The following SIMC1 variants were observed in gnomAD, a reference collection of about 807,000 sequenced individuals.
SIMC1 encodes SUMO-interacting motif-containing protein 1.
SIMC1 carries 55 observed loss-of-function variants against 82.3 expected under a neutral mutation model. The observed-to-expected ratio is 0.67, with a 90% CI of 0.54 to 0.84. SIMC1 has a LOEUF of 0.84. Ranked by LOEUF, SIMC1 falls within the 40% of genes least tolerant of loss-of-function variation. The probability of loss-of-function intolerance (pLI) is 0.00; values close to 1 mark genes in which losing one functional copy is unlikely to be tolerated. For synonymous variants in SIMC1, 353 were observed against 426.3 expected (o/e 0.83, Z 2.12); for missense variants, 915 against 1,107.2 (o/e 0.83, Z 2.46).
chr5:176,243,576 CA>C (rs1761339102), intron 1 of SIMC1, among the ~76,000 whole-genome samples: 2 of 151,528 alleles, frequency 1.3e-5, no homozygotes, highest in Admixed American at 6.6e-5. Context: ...GGCTGTAGTG[CA>C]GTGGTGCGAT....
At chr5:176,318,551 G>T (rs1009859322) in intron 5 of SIMC1, among the ~76,000 whole-genome samples, 1 of 152,160 alleles carries the variant, frequency 6.6e-6, no homozygotes, top group Non-Finnish European at 1.5e-5. Flanking sequence ...TGCTTTTCAA[G>T]ACTGGATGAC....
chr5:176,333,427 T>A (rs1765753733), intron 7 of SIMC1, among the ~76,000 whole-genome samples: 1 of 151,754 alleles, frequency 6.6e-6, no homozygotes, highest in Admixed American at 6.6e-5. Context: ...GTTTTTTTGG[T>A]GTTTTGTTGT....
At chr5:176,259,934 A>G (rs1158393069) in intron 1 of SIMC1, among the ~76,000 whole-genome samples, 2 of 151,312 alleles carry the variant, frequency 1.3e-5, no homozygotes, top group South Asian at 2.1e-4. Context: ...TTCTTTCCCA[A>G]TGGGATCATG....
chr5:176,249,134 A>T (rs1163637628), intron 1 of SIMC1, among the ~76,000 whole-genome samples: 1 of 152,006 alleles, frequency 6.6e-6, no homozygotes, highest in Non-Finnish European at 1.5e-5. Flanking sequence ...GTTAGGGAGG[A>T]GTCCCTCATT....
intron 1 of SIMC1, among the ~76,000 whole-genome samples, chr5:176,286,646 T>G (rs1763299127): frequency 6.6e-6 from 1 of 151,780 alleles, no homozygotes; most frequent in South Asian, 2.1e-4. Context: ...CGGGATCTAA[T>G]TAAAGAGCTT....
intron 9 of SIMC1, among the ~76,000 whole-genome samples, chr5:176,339,663 CT>C (rs1766046214): frequency 6.6e-6 from 1 of 152,192 alleles, no homozygotes; most frequent in South Asian, 2.1e-4. Context: ...ACGGAATCTA[CT>C]TTTATTACAG....
intron 1 of SIMC1, among the ~76,000 whole-genome samples, chr5:176,253,199 A>G (rs1370788291): frequency 1.6e-4 from 24 of 151,564 alleles, no homozygotes; most frequent in Admixed American, 6.6e-5. Flanking sequence ...ATTGGCCCCC[A>G]CTCTCTTCTG....
chr5:176,342,612 T>C (rs535573673), intron 9 of SIMC1, among the ~76,000 whole-genome samples: 1 of 152,280 alleles, frequency 6.6e-6, no homozygotes, highest in African/African-American at 2.4e-5. Context: ...CTACCCTGAT[T>C]TTCTGTCTTG....
chr5:176,311,665 A>C (rs1764670252), intron 4 of SIMC1, among the ~76,000 whole-genome samples: 1 of 152,176 alleles, frequency 6.6e-6, no homozygotes, highest in Non-Finnish European at 1.5e-5. Context: ...GGGGAGAAAA[A>C]AACAAAACTC....
At position 176,295,365 on chromosome 5, in the gene SIMC1, G is replaced by A. The variant is rs1292075236; in HGVS notation, c.1664+103G>A. ...TTTTTTAACCTAACCGTTACAGTGGGTGACTTAGCATATTAGTGTTATTTG... is the reference window on the plus strand; with the variant it reads ...TTTTTTAACCTAACCGTTACAGTGGATGACTTAGCATATTAGTGTTATTTG... On this transcript the variant is annotated intron_variant, in intron 3 of 9. Transcript: ENST00000429602. 8.8e-6 allele frequency: 13 copies of A among 1,479,476 alleles called. No homozygotes were observed. The South Asian group carries it at 1.7e-4, about 19-fold the overall frequency. 91.6% of individuals were successfully genotyped at this position (1,479,476 alleles called of 1,614,324 possible). A position where few individuals can be genotyped will look rare whatever the true frequency, so the allele number is the denominator to read the frequency against.
At chr5:176,299,215 A>G (rs1763940010) in intron 4 of SIMC1, among the ~76,000 whole-genome samples, 1 of 152,180 alleles carries the variant, frequency 6.6e-6, no homozygotes. Context: ...ACAACATAGA[A>G]AGACTCTTGT....
chr5:176,300,310 T>G (rs557854903), intron 4 of SIMC1, among the ~76,000 whole-genome samples: 1 of 151,464 alleles, frequency 6.6e-6, no homozygotes, highest in South Asian at 2.1e-4. Flanking sequence ...AGATATGGGG[T>G]TTTTAAACAT....
intron 4 of SIMC1, among the ~76,000 whole-genome samples, chr5:176,301,067 T>G (rs894800451): frequency 2.6e-5 from 4 of 152,224 alleles, no homozygotes; most frequent in Non-Finnish European, 4.4e-5. Context: ...ACCGGAGAGA[T>G]AACTTATTTC....
rs528483023 is a variant in SIMC1 at position 176,345,847 on chromosome 5, T to G, written c.*402T>G. The G allele has an allele frequency of 5.2e-5, 8 of 152,762 alleles. No individual in the cohort carries two copies. Among genetic ancestry groups the G allele is most frequent in the African/African-American group, 1.9e-4 (8 of 41,610 alleles). The allele number at this position is 152,762 out of a possible 1,614,324, so 9.5% of individuals were successfully genotyped here. A position where few individuals can be genotyped will look rare whatever the true frequency, so the allele number is the denominator to read the frequency against. ...GAGAGAGACGTTCATTTTTCCCTAA[T>G]GAAATGCAAGCATTCTGTTAGACCT... On this transcript the variant is annotated 3_prime_UTR_variant, in exon 10 of 10. Transcript: ENST00000429602.
chr5:176,314,713 T>C (rs1764824934), intron 5 of SIMC1, among the ~76,000 whole-genome samples: 1 of 152,172 alleles, frequency 6.6e-6, no homozygotes, highest in African/African-American at 2.4e-5. Flanking sequence ...TAGGGGATTG[T>C]GGGCTTGAAT....
intron 1 of SIMC1, among the ~76,000 whole-genome samples, chr5:176,259,391 A>G (rs1250678995): frequency 6.6e-6 from 1 of 152,112 alleles, no homozygotes; most frequent in African/African-American, 2.4e-5. Flanking sequence ...CAGAGGTTGC[A>G]GTGAGCCAAG....
intron 1 of SIMC1, among the ~76,000 whole-genome samples, chr5:176,275,370 G>C (rs1205908137): frequency 5.3e-5 from 8 of 151,786 alleles, no homozygotes; most frequent in Admixed American, 2.0e-4. Flanking sequence ...AGGAGATTTT[G>C]GTCTGAGACA....
At chr5:176,288,069 A>G (rs1441477109) in intron 1 of SIMC1, among the ~76,000 whole-genome samples, 1 of 152,214 alleles carries the variant, frequency 6.6e-6, no homozygotes, top group Non-Finnish European at 1.5e-5. Context: ...TGAAAAAAGC[A>G]AACATTCCTA....
chr5:176,311,122 G>T (rs934292476), intron 4 of SIMC1, among the ~76,000 whole-genome samples: 1 of 152,184 alleles, frequency 6.6e-6, no homozygotes, highest in Non-Finnish European at 1.5e-5. Context: ...TGGGGTAATG[G>T]AAATGTTCTA....
Sources: allele counts gnomAD v4.1 joint callset (sites outside exome capture counted in the v4.1 genomes callset), GRCh38; gene constraint gnomAD v4.1.1; transcripts MANE v1.5; gene names NCBI Gene and HGNC (gene_info 2026-07-23, HGNC 2026-07-21).